The following HACL1 variants were observed in gnomAD, a reference collection of about 807,000 sequenced individuals.
HACL1 encodes 2-hydroxyacyl-CoA lyase 1.
HACL1 carries 64 observed loss-of-function variants against 74.2 expected under a neutral mutation model. The observed-to-expected ratio is 0.86, with a 90% CI of 0.70 to 1.06. The LOEUF is 1.06. HACL1 is among the 50% of genes least tolerant of loss of function. The pLI is 0.00. For synonymous variants in HACL1, 230 were observed against 238.8 expected (o/e 0.96, Z 0.34); for missense variants, 728 against 719.7 (o/e 1.01, Z -0.13).
chr3:15,568,669 T>C, intron 12 of HACL1, 83 bp from the exon 13 acceptor site: 3 of 813,730 alleles, frequency 3.7e-6, no homozygotes, highest in Non-Finnish European at 2.0e-6. Context: ...ATCAAACTTA[T>C]TTGGAAATAC....
intron 3 of HACL1, among the ~76,000 whole-genome samples, chr3:15,594,289 C>A (rs1353634950): frequency 6.6e-6 from 1 of 152,082 alleles, no homozygotes; most frequent in Non-Finnish European, 1.5e-5. Context: ...ACCTGTAGTG[C>A]CAGCTACTTG....
chr3:15,560,823 G>T lies in HACL1; in HGVS notation c.*42C>A, dbSNP rs760119808. 117 of 1,421,680 alleles carry T rather than the reference G, an allele frequency of 8.2e-5. No individual in the cohort carries two copies. The East Asian group carries it at 2.6e-3, about 32-fold the overall frequency. The allele number at this position is 1,421,680 out of a possible 1,614,324, so 88.1% of individuals were successfully genotyped here. ...GCTGTGGAAAATAAAATTTCATCTT[G>T]CAAGAAAGAGAAAACTCAAGACCAC... On this transcript the variant is annotated 3_prime_UTR_variant, in exon 17 of 17. Coordinates refer to ENST00000321169, the MANE Select transcript of HACL1 (RefSeq NM_012260.4).
At chr3:15,582,850 C>A (rs996268101) in intron 8 of HACL1, 27 bp downstream of exon 8, 4 of 1,146,338 alleles carry the variant, frequency 3.5e-6, no homozygotes, top group South Asian at 1.3e-5. Context: ...AAAAGCCTAG[C>A]AAGATTTAGA....
At chr3:15,578,789 G>A (rs944540051) in intron 9 of HACL1, among the ~76,000 whole-genome samples, 2 of 152,174 alleles carry the variant, frequency 1.3e-5, no homozygotes, top group Non-Finnish European at 2.9e-5. Flanking sequence ...AGAGTATGGG[G>A]ACAATCCCCA....
At chr3:15,582,363 TAAAC>T (rs1279109157) in intron 8 of HACL1, among the ~76,000 whole-genome samples, 3 of 152,194 alleles carry the variant, frequency 2.0e-5, no homozygotes, top group Non-Finnish European at 4.4e-5. Flanking sequence ...ACAGCTACTC[TAAAC>T]AGTTACTGGC....
chr3:15,600,776 T>C (rs2064200759), intron 2 of HACL1: 1 of 377,976 alleles, frequency 2.6e-6, no homozygotes. Flanking sequence ...AAGTCAGACT[T>C]TACTCATAAA....
intron 4 of HACL1, 123 bp downstream of exon 4, chr3:15,591,477 C>T (rs1404974426): frequency 9.3e-6 from 5 of 539,566 alleles, no homozygotes; most frequent in Non-Finnish European, 1.7e-5. Context: ...CTTTCAGTTT[C>T]TAAGAATTGA....
intron 3 of HACL1, among the ~76,000 whole-genome samples, chr3:15,592,133 C>T (rs758663590): frequency 8.1e-5 from 12 of 147,600 alleles, no homozygotes; most frequent in African/African-American, 2.0e-4. Flanking sequence ...CGTATACATA[C>T]GTGTATATAT....
chr3:15,600,473 T>A (rs1269551479), intron 2 of HACL1, among the ~76,000 whole-genome samples: 1 of 152,244 alleles, frequency 6.6e-6, no homozygotes, highest in Non-Finnish European at 1.5e-5. Flanking sequence ...ACGTCGTATC[T>A]TCCTTATCCT....
chr3:15,563,589 T>G lies in HACL1; in HGVS notation c.1518-45A>C, dbSNP rs777383596. On this transcript the variant is annotated intron_variant, in intron 15 of 16. Coordinates refer to ENST00000321169, the MANE Select transcript of HACL1 (RefSeq NM_012260.4). ...GTCAATGAAATTTAAATCTTAAACC[T>G]TGTAGAAAAAAAGTCATTCTCTGAA... 1.2e-5 allele frequency: 15 copies of G among 1,277,978 alleles called. No individual in the cohort carries two copies. The East Asian group carries it at 3.1e-4, about 26-fold the overall frequency. 79.2% of individuals were successfully genotyped at this position (1,277,978 alleles called of 1,614,324 possible). A position where few individuals can be genotyped will look rare whatever the true frequency, so the allele number is the denominator to read the frequency against.
chr3:15,581,193 C>T (rs1451389191), intron 8 of HACL1, among the ~76,000 whole-genome samples: 4 of 152,220 alleles, frequency 2.6e-5, no homozygotes. Context: ...TGAGCCACCA[C>T]ACTCGGCCCA....
At chr3:15,596,493 C>A in intron 2 of HACL1, 69 bp from the exon 3 acceptor site, 2 of 877,706 alleles carry the variant, frequency 2.3e-6, no homozygotes, top group Non-Finnish European at 3.9e-6. Flanking sequence ...CAGCAACTTA[C>A]TATTAAATAA....
Position 15,582,992 on chromosome 3 carries a change from G to C in HACL1, c.555-3C>G. The C allele has an allele frequency of 6.8e-7, 1 of 1,473,598 alleles. No individual in the cohort carries two copies. The highest frequency in any genetic ancestry group is 9.4e-7 in the Non-Finnish European group (1 of 1,064,238). The allele number at this position is 1,473,598 out of a possible 1,614,324, so 91.3% of individuals were successfully genotyped here. A position where few individuals can be genotyped will look rare whatever the true frequency, so the allele number is the denominator to read the frequency against. On this transcript the variant is annotated splice_polypyrimidine_tract_variant and splice_region_variant and intron_variant, in intron 7 of 16. Coordinates refer to ENST00000321169, the MANE Select transcript of HACL1 (RefSeq NM_012260.4). Reference sequence around the variant, plus strand: ...GTGACATGCAGCGTTCCATGTACCTGGAAAAAAAGAGCCCTATTAATTAAA... The same window carrying C: ...GTGACATGCAGCGTTCCATGTACCTCGAAAAAAAGAGCCCTATTAATTAAA...
intron 12 of HACL1, among the ~76,000 whole-genome samples, chr3:15,570,974 T>C (rs1445731926): frequency 6.6e-6 from 1 of 150,778 alleles, no homozygotes; most frequent in Non-Finnish European, 1.5e-5. Context: ...AACCACTTAA[T>C]AGTTAATTTG....
chr3:15,565,790 CA>C (rs2063424896), intron 14 of HACL1, among the ~76,000 whole-genome samples: 1 of 152,156 alleles, frequency 6.6e-6, no homozygotes, highest in Non-Finnish European at 1.5e-5. Context: ...AGTCAGACCT[CA>C]TTATCTGAGT....
intron 9 of HACL1, among the ~76,000 whole-genome samples, chr3:15,577,617 C>A (rs1417078249): frequency 6.6e-6 from 1 of 151,998 alleles, no homozygotes; most frequent in East Asian, 1.9e-4. Flanking sequence ...ACGGTGAAAC[C>A]TCGTTTCTAC....
At chr3:15,593,152 TACAC>T (rs1275811948) in intron 3 of HACL1, among the ~76,000 whole-genome samples, 12 of 146,168 alleles carry the variant, frequency 8.2e-5, no homozygotes, top group Admixed American at 1.3e-4. Flanking sequence ...TATACACACA[TACAC>T]ACATACGTAT....
chr3:15,597,211 C>T (rs2064082764), intron 2 of HACL1, among the ~76,000 whole-genome samples: 1 of 152,118 alleles, frequency 6.6e-6, no homozygotes, highest in African/African-American at 2.4e-5. Context: ...CAAATATTTA[C>T]AAAATACCAA....
chr3:15,581,749 C>T (rs1051247705), intron 8 of HACL1, among the ~76,000 whole-genome samples: 5 of 152,174 alleles, frequency 3.3e-5, no homozygotes, highest in African/African-American at 1.2e-4. Context: ...AAGAACATAC[C>T]GCACTTACTT....
Sources: allele counts gnomAD v4.1 joint callset (sites outside exome capture counted in the v4.1 genomes callset), GRCh38; gene constraint gnomAD v4.1.1; transcripts MANE v1.5; gene names NCBI Gene and HGNC (gene_info 2026-07-23, HGNC 2026-07-21).